RARB: variants seen among roughly 807,000 people sequenced by gnomAD.
RARB encodes HBV-activated protein.
A neutral mutation model predicts 51.9 loss-of-function variants in RARB; 17 were observed. The ratio of observed to expected loss-of-function variants is 0.33; its 90% CI spans 0.22 to 0.49. The LOEUF is 0.49. Among genes scored for constraint, RARB ranks in the 20% least tolerant of loss-of-function variants. The pLI is 0.99. For synonymous variants in RARB, 215 were observed against 195.4 expected, an observed-to-expected ratio of 1.10 and a Z score of -0.84; for missense variants, 369 against 550.8, an observed-to-expected ratio of 0.67 and a Z score of 3.30.
At chr3:25,247,611 A>G (rs954825368) in intron 5 of RARB, among the ~76,000 whole-genome samples, 2 of 152,158 alleles carry the variant, frequency 1.3e-5, no homozygotes, top group Admixed American at 1.3e-4. Flanking sequence ...AAGTGAGGCA[A>G]TGCCCCACCC....
intron 2 of RARB, among the ~76,000 whole-genome samples, chr3:24,995,388 T>C (rs937561354): frequency 2.0e-5 from 3 of 152,108 alleles, no homozygotes; most frequent in African/African-American, 7.2e-5. Context: ...TTTAGGTTTT[T>C]CTATGTATAA....
intron 5 of RARB, among the ~76,000 whole-genome samples, chr3:25,292,178 G>T (rs1289043929): frequency 6.6e-6 from 1 of 152,080 alleles, no homozygotes; most frequent in East Asian, 1.9e-4. Context: ...AGGAGAATTT[G>T]ACAAATTAAC....
chr3:25,123,739 C>T (rs956263304), intron 3 of RARB, among the ~76,000 whole-genome samples: 1 of 152,138 alleles, frequency 6.6e-6, no homozygotes, highest in African/African-American at 2.4e-5. Context: ...CTATTTTTAC[C>T]CTCTTCTAGT....
At position 25,180,912 on chromosome 3, in the gene RARB, A is replaced by G. The variant is rs567830044; in HGVS notation, c.178+6337A>G. Among the ~76,000 whole-genome samples the G allele has an allele frequency of 2.6e-5, 4 of 152,310 alleles. No individual in the cohort carries two copies. The South Asian group carries it at 8.3e-4, about 32-fold the overall frequency. ...TCCCTTGCTTTTTTTTAACCTTGCC[A>G]TGAAAATTAATTGTCAAAAATAACA... On this transcript the variant is annotated intron_variant, in intron 5 of 11. Transcript: ENST00000383772.
intron 5 of RARB, among the ~76,000 whole-genome samples, chr3:25,185,633 A>AC: frequency 6.6e-6 from 1 of 152,224 alleles, no homozygotes; most frequent in East Asian, 1.9e-4. Context: ...TTTTTTTATA[A>AC]TCAGAATGGC....
chr3:25,051,463 A>T (rs979961511), intron 2 of RARB, among the ~76,000 whole-genome samples: 15 of 152,148 alleles, frequency 9.9e-5, no homozygotes, highest in African/African-American at 2.9e-4. Flanking sequence ...ATTGAATCCT[A>T]TGTGCATAAA....
chr3:24,973,235 T>C (rs1196911950), intron 2 of RARB, among the ~76,000 whole-genome samples: 1 of 152,060 alleles, frequency 6.6e-6, no homozygotes. Flanking sequence ...AAGAGACTGA[T>C]CTTTCCCATT....
intron 2 of RARB, among the ~76,000 whole-genome samples, chr3:24,896,829 A>G (rs1375586739): frequency 6.6e-6 from 1 of 152,130 alleles, no homozygotes; most frequent in African/African-American, 2.4e-5. Flanking sequence ...GGAAAAATAG[A>G]TCTCTATTTC....
chr3:24,918,694 C>G (rs1695156006), intron 2 of RARB, among the ~76,000 whole-genome samples: 2 of 152,110 alleles, frequency 1.3e-5, no homozygotes, highest in Non-Finnish European at 2.9e-5. Context: ...ACCATCCTGG[C>G]CAACAGGCCA....
intron 1 of RARB, among the ~76,000 whole-genome samples, chr3:25,431,832 G>C (rs1708222075): frequency 6.6e-6 from 1 of 152,128 alleles, no homozygotes; most frequent in South Asian, 2.1e-4. Flanking sequence ...TAGGGAATGA[G>C]AAAAGGCCTC....
At chr3:25,343,911 A>C (rs981966595) in intron 5 of RARB, among the ~76,000 whole-genome samples, 1 of 152,204 alleles carries the variant, frequency 6.6e-6, no homozygotes, top group African/African-American at 2.4e-5. Flanking sequence ...GGCAGCTCAG[A>C]AAAAGGGAAA....
intron 5 of RARB, among the ~76,000 whole-genome samples, chr3:25,388,499 A>G (rs1455378979): frequency 2.0e-5 from 3 of 152,222 alleles, no homozygotes; most frequent in Non-Finnish European, 4.4e-5. Context: ...TTAATGAAAG[A>G]TAAGTGGACT....
At chr3:25,080,868 C>G (rs1195183998) in intron 3 of RARB, among the ~76,000 whole-genome samples, 2 of 151,968 alleles carry the variant, frequency 1.3e-5, no homozygotes, top group Non-Finnish European at 2.9e-5. Flanking sequence ...GCACAAAGTT[C>G]TTAATTTTGA....
At chr3:24,991,316 G>A (rs1360347312) in intron 2 of RARB, among the ~76,000 whole-genome samples, 3 of 152,084 alleles carry the variant, frequency 2.0e-5, no homozygotes, top group African/African-American at 7.2e-5. Flanking sequence ...AGTGGTGCAT[G>A]CCGGTAGTCC....
intron 2 of RARB, among the ~76,000 whole-genome samples, chr3:24,925,488 C>T (rs529781501): frequency 2.6e-5 from 4 of 151,752 alleles, no homozygotes; most frequent in South Asian, 2.1e-4. Flanking sequence ...ACAATAAATA[C>T]AAAATTTAGC....
At chr3:25,283,443 G>C (rs371803714) in intron 5 of RARB, among the ~76,000 whole-genome samples, 1 of 152,208 alleles carries the variant, frequency 6.6e-6, no homozygotes, top group South Asian at 2.1e-4. Flanking sequence ...CTGACCCCAA[G>C]TGGAAATTCT....
chr3:25,136,754 G>C (rs975435088), intron 4 of RARB, among the ~76,000 whole-genome samples: 4 of 152,002 alleles, frequency 2.6e-5, no homozygotes, highest in East Asian at 1.9e-4. Flanking sequence ...CCAAAGGATG[G>C]GGGGAGAGTT....
At chr3:24,910,283 C>T (rs1458361499) in intron 2 of RARB, among the ~76,000 whole-genome samples, 1 of 152,166 alleles carries the variant, frequency 6.6e-6, no homozygotes, top group Non-Finnish European at 1.5e-5. Flanking sequence ...TTTCCACCAT[C>T]CCTTCAAAGA....
intron 3 of RARB, among the ~76,000 whole-genome samples, chr3:25,567,425 T>G (rs1309838270): frequency 1.3e-5 from 2 of 152,214 alleles, no homozygotes; most frequent in African/African-American, 4.8e-5. Context: ...TGCGACTGGC[T>G]TCTTTAAGGC....
Sources: allele counts gnomAD v4.1 joint callset (sites outside exome capture counted in the v4.1 genomes callset), GRCh38; gene constraint gnomAD v4.1.1; transcripts MANE v1.5; gene names NCBI Gene and HGNC (gene_info 2026-07-23, HGNC 2026-07-21).